Variants in CTNND2 observed in about 807,000 individuals in gnomAD.
The protein encoded by CTNND2 is catenin delta-2.
In CTNND2, 22 loss-of-function variants were observed where a neutral mutation model predicts 144.4. That is an observed-to-expected ratio of 0.15 (90% confidence interval 0.11 to 0.22). The LOEUF (loss-of-function observed/expected upper bound fraction) is 0.22. Among genes scored for constraint, CTNND2 ranks in the 10% least tolerant of loss-of-function variants. The pLI is 1.00. For synonymous variants in CTNND2, 751 were observed against 695.6 expected, an observed-to-expected ratio of 1.08 and a Z score of -1.25; for missense variants, 1,353 against 1,618.8, an observed-to-expected ratio of 0.84 and a Z score of 2.82.
intron 1 of CTNND2, among the ~76,000 whole-genome samples, chr5:11,753,618 T>C (rs899442124): frequency 6.6e-6 from 1 of 151,842 alleles, no homozygotes. Flanking sequence ...TCAAGGATAT[T>C]GGCCCAAAGT....
At chr5:11,071,195 A>T (rs999985107) in intron 16 of CTNND2, among the ~76,000 whole-genome samples, 1 of 152,222 alleles carries the variant, frequency 6.6e-6, no homozygotes, top group Non-Finnish European at 1.5e-5. Context: ...TATCTACTGC[A>T]CTAAGAAGCA....
At chr5:11,583,816 TC>T (rs1346320225) in intron 2 of CTNND2, among the ~76,000 whole-genome samples, 2 of 152,206 alleles carry the variant, frequency 1.3e-5, no homozygotes, top group Non-Finnish European at 2.9e-5. Flanking sequence ...CTGGTCAATA[TC>T]TATGCATTCT....
chr5:11,559,597 C>T (rs989482416), intron 3 of CTNND2, among the ~76,000 whole-genome samples: 1 of 152,194 alleles, frequency 6.6e-6, no homozygotes, highest in African/African-American at 2.4e-5. Context: ...GCTTGCCCAG[C>T]CTTCTGAGAC....
chr5:11,849,432 C>T (rs1234118867), intron 1 of CTNND2, among the ~76,000 whole-genome samples: 2 of 152,094 alleles, frequency 1.3e-5, no homozygotes, highest in African/African-American at 2.4e-5. Context: ...CGGAGCAAAC[C>T]TCTAGCATTT....
chr5:11,251,015 A>AT (rs1466052671), intron 9 of CTNND2, among the ~76,000 whole-genome samples: 1 of 152,198 alleles, frequency 6.6e-6, no homozygotes, highest in African/African-American at 2.4e-5. Context: ...CCATAGCAGC[A>AT]AACTGAAGCC....
At chr5:11,633,812 C>T (rs1027977622) in intron 2 of CTNND2, among the ~76,000 whole-genome samples, 24 of 151,320 alleles carry the variant, frequency 1.6e-4, no homozygotes, top group African/African-American at 5.8e-4. Context: ...TTGATAGAAA[C>T]GTAGATCAGT....
intron 1 of CTNND2, among the ~76,000 whole-genome samples, chr5:11,812,305 G>A (rs576709403): frequency 3.9e-5 from 6 of 152,258 alleles, no homozygotes; most frequent in African/African-American, 1.4e-4. Flanking sequence ...TTTTAATTCT[G>A]TGAAAATCAG....
chr5:11,829,395 T>C (rs1793766841), intron 1 of CTNND2, among the ~76,000 whole-genome samples: 1 of 152,168 alleles, frequency 6.6e-6, no homozygotes, highest in Non-Finnish European at 1.5e-5. Flanking sequence ...AAAGTGGTTT[T>C]CTGGGCCAGG....
chr5:11,551,438 T>C (rs1295232169), intron 3 of CTNND2, among the ~76,000 whole-genome samples: 28 of 86,948 alleles, frequency 3.2e-4, no homozygotes, highest in Admixed American at 7.0e-4. Context: ...TTTTCTTTTT[T>C]TTTTTTTTTT....
chr5:11,473,181 C>G (rs1767387723), intron 3 of CTNND2, among the ~76,000 whole-genome samples: 1 of 152,122 alleles, frequency 6.6e-6, no homozygotes, highest in Non-Finnish European at 1.5e-5. Context: ...ATTTTACAGC[C>G]AGAAGCTTTG....
chr5:11,776,620 C>T (rs1790268046), intron 1 of CTNND2, among the ~76,000 whole-genome samples: 1 of 152,112 alleles, frequency 6.6e-6, no homozygotes, highest in Non-Finnish European at 1.5e-5. Flanking sequence ...CTCAGAAATA[C>T]TAATTAATAG....
intron 1 of CTNND2, among the ~76,000 whole-genome samples, chr5:11,792,798 T>C (rs1009482176): frequency 1.4e-4 from 22 of 151,798 alleles, no homozygotes; most frequent in Non-Finnish European, 2.1e-4. Context: ...AATGCTTCTA[T>C]TCTGCTTCCA....
At chr5:11,817,411 GAGAGAGAGAGAGA>G (rs1793031183) in intron 1 of CTNND2, among the ~76,000 whole-genome samples, 1 of 378 alleles carries the variant, frequency 2.6e-3, no homozygotes, top group African/African-American at 6.3e-3. Context: ...AGAGAGGAGG[GAGAGAGAGAGAGA>G]GAGAGAGAGA....
intron 6 of CTNND2, among the ~76,000 whole-genome samples, chr5:11,394,560 G>A (rs191428869): frequency 2.2e-4 from 34 of 152,324 alleles, no homozygotes; most frequent in Non-Finnish European, 4.4e-4. Context: ...GGGAAGGGTA[G>A]TCTACTCTCT....
At chr5:11,765,182 G>C (rs190787317) in intron 1 of CTNND2, among the ~76,000 whole-genome samples, 1 of 152,290 alleles carries the variant, frequency 6.6e-6, no homozygotes, top group East Asian at 1.9e-4. Context: ...TAGGCTAAGG[G>C]CAGATGAATT....
intron 16 of CTNND2, among the ~76,000 whole-genome samples, chr5:11,032,145 G>A (rs1380707359): frequency 6.6e-6 from 1 of 152,118 alleles, no homozygotes; most frequent in African/African-American, 2.4e-5. Context: ...ACAAATTCCT[G>A]GTGCTTCCTA....
chr5:11,052,321 A>G (rs1189279541), intron 16 of CTNND2, among the ~76,000 whole-genome samples: 1 of 151,946 alleles, frequency 6.6e-6, no homozygotes, highest in East Asian at 1.9e-4. Context: ...TCTGCCCAAT[A>G]CTCCCCTGAC....
At chr5:11,139,562 A>G (rs1423960888) in intron 12 of CTNND2, among the ~76,000 whole-genome samples, 1 of 152,124 alleles carries the variant, frequency 6.6e-6, no homozygotes, top group Non-Finnish European at 1.5e-5. Flanking sequence ...AGAAAAACAA[A>G]TCCCATTTTC....
chr5:11,057,089 C>T (rs1246715465), intron 16 of CTNND2, among the ~76,000 whole-genome samples: 1 of 152,184 alleles, frequency 6.6e-6, no homozygotes, highest in Non-Finnish European at 1.5e-5. Context: ...CATGCTTTTG[C>T]CAAAATCTCT....
Sources: gnomAD v4.1 joint callset for allele counts (sites outside exome capture counted in the v4.1 genomes callset) on GRCh38, gnomAD v4.1.1 for gene constraint, MANE v1.5 for transcripts, NCBI Gene and HGNC (gene_info 2026-07-23, HGNC 2026-07-21) for gene names.